TM4SF20: variants seen among roughly 807,000 people sequenced by gnomAD.
TM4SF20 encodes transmembrane 4 L6 family member 20.
In TM4SF20, 13 loss-of-function variants were observed where a neutral mutation model predicts 15.1. The ratio of observed to expected loss-of-function variants is 0.86; its 90% CI spans 0.56 to 1.36. The LOEUF (loss-of-function observed/expected upper bound fraction) is 1.36, where lower values mean the gene tolerates loss of function less well. Ranked by LOEUF, TM4SF20 falls within the 40% of genes most tolerant of loss-of-function variation. The pLI is 0.00. For missense variants in TM4SF20, 282 were observed against 268.4 expected, an observed-to-expected ratio of 1.05 and a Z score of -0.35; for synonymous variants, 92 against 96.6, an observed-to-expected ratio of 0.95 and a Z score of 0.28.
rs1414528495 is a variant in TM4SF20, at chr2:227,363,928, A to G, written c.486T>C (p.Ser162=). 1.9e-6 allele frequency: 3 copies of G among 1,614,104 alleles called. No homozygotes were observed. Among genetic ancestry groups the G allele is most frequent in the Admixed American group, 3.3e-5 (2 of 60,002 alleles). Residue 162 remains serine (S), a synonymous_variant, in exon 4 of 4, where the codon AGT becomes AGC. Coordinates refer to ENST00000304568, the MANE Select transcript of TM4SF20 (RefSeq NM_024795.4). ...APPTGFNKPT[S]NDTMASGWRA... is the part of the protein sequence containing the mutation. ...TCCAGCCACTCGCCATGGTGTCGTTACTGGTGGGTTTATTGAAACCAGTAG... is the reference window on the plus strand; with the variant it reads ...TCCAGCCACTCGCCATGGTGTCGTTGCTGGTGGGTTTATTGAAACCAGTAG...
intron 1 of TM4SF20, among the ~76,000 whole-genome samples, chr2:227,377,161 TTATATC>T (rs1165740746): frequency 6.6e-6 from 1 of 152,202 alleles, no homozygotes; most frequent in Non-Finnish European, 1.5e-5. Flanking sequence ...CAGAGCCAAT[TTATATC>T]TAAAGCTGCA....
intron 1 of TM4SF20, among the ~76,000 whole-genome samples, chr2:227,372,981 A>G (rs12619675): frequency 0.34 from 52,145 of 151,928 alleles, 9,726 homozygotes; most frequent in African/African-American, 0.5. Context: ...CTCCTAAAGC[A>G]TTGAGATTAC....
intron 1 of TM4SF20, among the ~76,000 whole-genome samples, chr2:227,378,354 C>T (rs1209231894): frequency 6.6e-6 from 1 of 152,160 alleles, no homozygotes; most frequent in Non-Finnish European, 1.5e-5. Context: ...CCTACTGCAC[C>T]CAGAATTCTC....
intron 3 of TM4SF20, 49 bp downstream of exon 3, chr2:227,366,044 C>T (rs990021212): frequency 3.8e-6 from 6 of 1,560,934 alleles, no homozygotes; most frequent in Non-Finnish European, 4.3e-6. Flanking sequence ...TCTAATCAAA[C>T]TAGTTCAACT....
At chr2:227,364,796 G>A (rs1241967280) in intron 3 of TM4SF20, among the ~76,000 whole-genome samples, 8 of 152,242 alleles carry the variant, frequency 5.3e-5, no homozygotes, top group East Asian at 1.9e-4. Context: ...TCTGCAGAGC[G>A]TAGCCTGGTG....
At position 227,363,473 on chromosome 2, in the gene TM4SF20, C is replaced by A; in HGVS notation, c.*251G>T. 3.0e-6 allele frequency: 1 copy of A among 338,000 alleles called. No individual in the cohort carries two copies. Among genetic ancestry groups the A allele is most frequent in the Non-Finnish European group, 5.3e-6 (1 of 187,066 alleles). 20.9% of individuals were successfully genotyped at this position (338,000 alleles called of 1,614,324 possible). Reference sequence around the variant, plus strand: ...TTTCAGGATGACTTCCGTTCCTTCTCATCCTCCTTCCCTTCTCCTTTCTCT... The same window carrying A: ...TTTCAGGATGACTTCCGTTCCTTCTAATCCTCCTTCCCTTCTCCTTTCTCT... On this transcript the variant is annotated 3_prime_UTR_variant, in exon 4 of 4. Transcript: ENST00000304568.
At chr2:227,377,014 C>G (rs1211606963) in intron 1 of TM4SF20, among the ~76,000 whole-genome samples, 1 of 152,192 alleles carries the variant, frequency 6.6e-6, no homozygotes, top group African/African-American at 2.4e-5. Context: ...CTGTCTCTGC[C>G]TTTCTCTTTC....
At chr2:227,364,400 T>G (rs1176139136) in intron 3 of TM4SF20, among the ~76,000 whole-genome samples, 1 of 126,732 alleles carries the variant, frequency 7.9e-6, no homozygotes, top group Non-Finnish European at 1.5e-5. Context: ...GCCACCCCCA[T>G]TAAATGAGCT....
At chr2:227,368,019 ATTTTTTTTT>A (rs1226126996) in intron 2 of TM4SF20, among the ~76,000 whole-genome samples, 1 of 120,562 alleles carries the variant, frequency 8.3e-6, no homozygotes, top group African/African-American at 3.4e-5. Flanking sequence ...TTAACCATCT[ATTTTTTTTT>A]TTTTTTTTTT....
upstream of TM4SF20, among the ~76,000 whole-genome samples, chr2:227,380,829 A>G (rs1020289812): frequency 1.3e-5 from 2 of 152,202 alleles, no homozygotes; most frequent in South Asian, 2.1e-4. Flanking sequence ...TCCACCCTGC[A>G]GCAGTGTGGG....
At chr2:227,376,233 G>T (rs1263834781) in intron 1 of TM4SF20, among the ~76,000 whole-genome samples, 4 of 152,152 alleles carry the variant, frequency 2.6e-5, no homozygotes, top group African/African-American at 9.7e-5. Flanking sequence ...AAGATTTCAA[G>T]AACTATGACC....
At chr2:227,365,638 T>A (rs1050977076) in intron 3 of TM4SF20, among the ~76,000 whole-genome samples, 3 of 152,234 alleles carry the variant, frequency 2.0e-5, no homozygotes, top group Non-Finnish European at 4.4e-5. Flanking sequence ...TATTAAATTT[T>A]TTAAATTGTA....
Position 227,379,289 on chromosome 2 carries a change from C to T in TM4SF20, c.-21G>A, listed in dbSNP as rs1274490812. ...GTCATGGTCACCCCTGGCTCAGAAA[C>T]GTTGTCAAAGTGGCTATGCTTGCAT... On this transcript the variant is annotated 5_prime_UTR_variant, in exon 1 of 4. Coordinates refer to ENST00000304568, the MANE Select transcript of TM4SF20 (RefSeq NM_024795.4). The T allele has an allele frequency of 1.4e-5, 23 of 1,609,638 alleles. No individual in the cohort carries two copies. Among genetic ancestry groups the T allele is most frequent in the East Asian group, 2.2e-5 (1 of 44,842 alleles).
intron 1 of TM4SF20, among the ~76,000 whole-genome samples, chr2:227,374,324 T>C (rs1315951661): frequency 6.6e-6 from 1 of 152,216 alleles, no homozygotes; most frequent in Non-Finnish European, 1.5e-5. Context: ...TAACACATCT[T>C]TGTAATGCTG....
intron 1 of TM4SF20, among the ~76,000 whole-genome samples, chr2:227,372,323 A>G (rs761570381): frequency 6.6e-6 from 1 of 152,148 alleles, no homozygotes. Context: ...TTGTCCTTCT[A>G]CTTTCTTGGT....
chr2:227,372,648 A>AAAC (rs137902176), intron 1 of TM4SF20, among the ~76,000 whole-genome samples: 2 of 152,012 alleles, frequency 1.3e-5, no homozygotes, highest in Admixed American at 6.6e-5. Flanking sequence ...TCAAAAAAAC[A>AAAC]AACAACAACA....
At chr2:227,373,974 G>T (rs11888395) in intron 1 of TM4SF20, among the ~76,000 whole-genome samples, 143,022 of 147,128 alleles carry the variant, frequency 0.97, 69,594 homozygotes, top group East Asian at 1. Context: ...TTTATAAACC[G>T]AAAATATTGG....
Position 227,363,718 on chromosome 2 carries a change from A to G in TM4SF20, c.*6T>C, listed in dbSNP as rs1460267500. On this transcript the variant is annotated 3_prime_UTR_variant, in exon 4 of 4. Transcript: ENST00000304568. ...CTACTGATACTTACATTTTATTCCC[A>G]TTAAACTACACAATTTGACTTCTTC... 1 of 1,608,048 alleles carries G rather than the reference A, an allele frequency of 6.2e-7. No individual in the cohort carries two copies. Among genetic ancestry groups the G allele is most frequent in the African/African-American group, 1.3e-5 (1 of 74,572 alleles).
In TM4SF20 at chr2:227,370,911, T is replaced by G. The variant is rs1444598538; in HGVS notation, c.249+4A>C. 1.2e-6 allele frequency: 2 copies of G among 1,613,500 alleles called. No homozygotes were observed. The highest frequency in any genetic ancestry group is 2.7e-5 in the African/African-American group (2 of 74,912). On this transcript the variant is annotated splice_donor_region_variant and intron_variant, in intron 2 of 3. Coordinates refer to ENST00000304568, the MANE Select transcript of TM4SF20 (RefSeq NM_024795.4). ...TGCTTCCACGCCGACTGCTTCATAC[T>G]TACTCCAGTTCTGTTGTTGCAGCAC...
Sources: allele counts gnomAD v4.1 joint callset (sites outside exome capture counted in the v4.1 genomes callset), GRCh38; gene constraint gnomAD v4.1.1; transcripts MANE v1.5; gene names NCBI Gene and HGNC (gene_info 2026-07-23, HGNC 2026-07-21).